Variants in HSPA12A observed in about 807,000 individuals in gnomAD.
The protein encoded by HSPA12A is heat shock protein family A (Hsp70) member 12A.
In HSPA12A, 28 loss-of-function variants were observed where a neutral mutation model predicts 69.2. That is an observed-to-expected ratio of 0.40 (90% CI 0.30 to 0.55). The LOEUF (loss-of-function observed/expected upper bound fraction) is 0.55, where lower values mean the gene tolerates loss of function less well. Ranked by LOEUF, HSPA12A falls within the 20% of genes least tolerant of loss-of-function variation. HSPA12A has a pLI of 0.38. For missense variants in HSPA12A, 686 were observed against 900.7 expected (o/e 0.76, Z 3.05); for synonymous variants, 345 against 370.5 (o/e 0.93, Z 0.79).
intron 2 of HSPA12A, among the ~76,000 whole-genome samples, chr10:116,795,448 G>C (rs548759923): frequency 1.3e-5 from 2 of 151,870 alleles, no homozygotes; most frequent in Non-Finnish European, 2.9e-5. Context: ...GGAGGCCAAG[G>C]TGGGTGGATC....
chr10:116,816,500 C>T (rs570286359), intron 2 of HSPA12A, among the ~76,000 whole-genome samples: 1 of 152,326 alleles, frequency 6.6e-6, no homozygotes, highest in South Asian at 2.1e-4. Context: ...TCACAGCACC[C>T]AAATCATGTC....
chr10:116,850,048 G>A, upstream of HSPA12A: 1 of 518,428 alleles, frequency 1.9e-6, no homozygotes, highest in South Asian at 2.0e-5. Context: ...TTTGTGGGCC[G>A]GCCCACCGCC....
chr10:116,679,818 C>A, intron 9 of HSPA12A, 57 bp from the exon 10 acceptor site: 1 of 1,582,254 alleles, frequency 6.3e-7, no homozygotes, highest in South Asian at 1.2e-5. Context: ...AAACCCAATC[C>A]AGACTCTGAG....
intron 1 of HSPA12A, among the ~76,000 whole-genome samples, chr10:116,709,555 T>C (rs1053754302): frequency 6.6e-6 from 1 of 151,900 alleles, no homozygotes; most frequent in African/African-American, 2.4e-5. Context: ...TGCTATAACA[T>C]AGGTGAACCT....
At chr10:116,781,051 G>C (rs1394793980) in intron 2 of HSPA12A, among the ~76,000 whole-genome samples, 1 of 152,128 alleles carries the variant, frequency 6.6e-6, no homozygotes, top group African/African-American at 2.4e-5. Context: ...GGTCGCTTGA[G>C]GCCAGGAGTT....
intron 2 of HSPA12A, among the ~76,000 whole-genome samples, chr10:116,799,560 G>C (rs1475396006): frequency 1.3e-5 from 2 of 152,086 alleles, no homozygotes; most frequent in East Asian, 3.9e-4. Context: ...GTTCTTACAA[G>C]GCCTGGTGCC....
intron 2 of HSPA12A, among the ~76,000 whole-genome samples, chr10:116,781,468 C>T (rs1419736010): frequency 1.3e-5 from 2 of 152,198 alleles, no homozygotes; most frequent in Non-Finnish European, 2.9e-5. Context: ...GGGGGAAGCA[C>T]TTGTCTCAAT....
At chr10:116,716,928 C>T (rs1234544618) in intron 1 of HSPA12A, among the ~76,000 whole-genome samples, 4 of 152,132 alleles carry the variant, frequency 2.6e-5, no homozygotes, top group Admixed American at 6.5e-5. Flanking sequence ...GATATTCATG[C>T]GTTTTTTTGT....
At chr10:116,768,869 A>G (rs551212014) in intron 2 of HSPA12A, among the ~76,000 whole-genome samples, 1 of 152,054 alleles carries the variant, frequency 6.6e-6, no homozygotes, top group African/African-American at 2.4e-5. Context: ...ACAGCCCCCT[A>G]TTGCAGGGCC....
intron 2 of HSPA12A, among the ~76,000 whole-genome samples, chr10:116,824,296 A>G (rs1845459939): frequency 6.6e-6 from 1 of 152,232 alleles, no homozygotes; most frequent in South Asian, 2.1e-4. Context: ...AGCCTCATAC[A>G]CTGTTGGTAG....
At chr10:116,825,882 C>T (rs909350591) in intron 2 of HSPA12A, among the ~76,000 whole-genome samples, 22 of 152,008 alleles carry the variant, frequency 1.4e-4, no homozygotes, top group South Asian at 6.2e-4. Flanking sequence ...AAATTGTTAT[C>T]GAAAAAGAAG....
Position 116,822,912 on chromosome 10 carries a change from C to T in HSPA12A, c.91+12023G>A, listed in dbSNP as rs539334880. On this transcript the variant is annotated intron_variant, in intron 2 of 12. Coordinates refer to the HSPA12A transcript ENST00000635765. ...ATTTCTGGCACCCAAGAGCTACTTG[C>T]CCAGGTACAGAATAAGGAAGGCATG... Among the ~76,000 whole-genome samples the T allele has an allele frequency of 2.6e-5, 4 of 152,266 alleles. No homozygotes were observed. In the South Asian group the frequency reaches 8.3e-4, roughly 32 times the overall value.
In HSPA12A at chr10:116,698,627, A is replaced by G. The variant is rs1554881188; in HGVS notation, c.546+8T>C. 6.2e-7 allele frequency: 1 copy of G among 1,600,728 alleles called. No homozygotes were observed. The highest frequency in any genetic ancestry group is 1.7e-5 in the Admixed American group (1 of 59,876). On this transcript the variant is annotated splice_region_variant and intron_variant, in intron 5 of 11. Transcript: ENST00000369209. ...ACACAGCTGGCTGGCCTCAACTATC[A>G]GTCCTACCTTCAGCGCCTGCTCCTT...
At chr10:116,819,340 T>C (rs1409557222) in intron 2 of HSPA12A, among the ~76,000 whole-genome samples, 1 of 152,206 alleles carries the variant, frequency 6.6e-6, no homozygotes, top group African/African-American at 2.4e-5. Flanking sequence ...CCTTGCACTT[T>C]ACATAGGAGG....
chr10:116,803,688 G>C (rs1845008641), intron 2 of HSPA12A, among the ~76,000 whole-genome samples: 1 of 152,122 alleles, frequency 6.6e-6, no homozygotes, highest in South Asian at 2.1e-4. Context: ...CCAGAAACCA[G>C]CTGTTTCTCT....
intron 1 of HSPA12A, among the ~76,000 whole-genome samples, chr10:116,732,575 A>T (rs1554885952): frequency 6.6e-6 from 1 of 152,238 alleles, no homozygotes; most frequent in Non-Finnish European, 1.5e-5. Flanking sequence ...ATGGGCAACC[A>T]CTACTGTCAA....
intron 2 of HSPA12A, among the ~76,000 whole-genome samples, chr10:116,758,383 G>T (rs1843897056): frequency 6.6e-6 from 1 of 152,134 alleles, no homozygotes; most frequent in Non-Finnish European, 1.5e-5. Context: ...GCTCTGGGAG[G>T]CTAATTCACT....
At position 116,674,579 on chromosome 10, in the gene HSPA12A, C is replaced by T. The variant is rs994226664; in HGVS notation, c.*202G>A. 1 of 615,592 alleles carries T rather than the reference C, an allele frequency of 1.6e-6. No individual in the cohort carries two copies. The highest frequency in any genetic ancestry group is 2.8e-6 in the Non-Finnish European group (1 of 355,450). The allele number at this position is 615,592 out of a possible 1,614,324, so 38.1% of individuals were successfully genotyped here. ...GATCCTTTAATTTTCTATGCCTAAA[C>T]CTTAATCTTAATTTCTGTTTTTCTG... On this transcript the variant is annotated 3_prime_UTR_variant, in exon 12 of 12. Coordinates refer to ENST00000369209, the MANE Select transcript of HSPA12A (RefSeq NM_025015.3).
intron 1 of HSPA12A, among the ~76,000 whole-genome samples, chr10:116,724,994 G>A (rs758368): frequency 0.4 from 60,560 of 152,076 alleles, 12,319 homozygotes; most frequent in South Asian, 0.57. Flanking sequence ...GTCCCCCAGA[G>A]GAGGAACCAG....
Sources: gnomAD v4.1 joint callset for allele counts (sites outside exome capture counted in the v4.1 genomes callset) on GRCh38, gnomAD v4.1.1 for gene constraint, MANE v1.5 for transcripts, NCBI Gene and HGNC (gene_info 2026-07-23, HGNC 2026-07-21) for gene names.